The following TBL1XR1 variants were observed in gnomAD, a reference collection of about 807,000 sequenced individuals.
The protein encoded by TBL1XR1 is F-box-like/WD repeat-containing protein TBL1XR1.
Under a neutral mutation model 66.9 loss-of-function variants are expected in TBL1XR1, and 5 were observed. That is an observed-to-expected ratio of 0.07 (90% confidence interval 0.04 to 0.16). The LOEUF (loss-of-function observed/expected upper bound fraction) is 0.16, where lower values mean the gene tolerates loss of function less well. TBL1XR1 is among the 10% of genes least tolerant of loss of function. The pLI is 1.00. For synonymous variants in TBL1XR1, 210 were observed against 206.0 expected (o/e 1.02, Z -0.17); for missense variants, 238 against 623.2 (o/e 0.38, Z 6.58).
chr3:177,090,754 T>A (rs889539773), intron 2 of TBL1XR1, among the ~76,000 whole-genome samples: 2 of 152,120 alleles, frequency 1.3e-5, no homozygotes, highest in African/African-American at 4.8e-5. Flanking sequence ...GAGGTTGCAG[T>A]GAGCCAAGAT....
At chr3:177,058,969 G>C (rs1285087030) in intron 3 of TBL1XR1, among the ~76,000 whole-genome samples, 1 of 152,194 alleles carries the variant, frequency 6.6e-6, no homozygotes. Context: ...ACAACTGCTT[G>C]CTGTTTATTG....
At chr3:177,158,001 TC>T (rs1252556714) in intron 1 of TBL1XR1, among the ~76,000 whole-genome samples, 1 of 151,900 alleles carries the variant, frequency 6.6e-6, no homozygotes, top group African/African-American at 2.4e-5. Flanking sequence ...TTTAGTTGTT[TC>T]CCCCCACCCC....
chr3:177,093,966 A>G (rs902007619), intron 2 of TBL1XR1, among the ~76,000 whole-genome samples: 1 of 152,164 alleles, frequency 6.6e-6, no homozygotes, highest in African/African-American at 2.4e-5. Flanking sequence ...AACAAAGATA[A>G]ATTAAGATGG....
intron 1 of TBL1XR1, among the ~76,000 whole-genome samples, chr3:177,169,868 C>CCA (rs1733253518): frequency 6.6e-6 from 1 of 151,978 alleles, no homozygotes; most frequent in African/African-American, 2.4e-5. Context: ...TCCCTTTATC[C>CCA]CACCCAGTGG....
intron 1 of TBL1XR1, among the ~76,000 whole-genome samples, chr3:177,114,988 A>C (rs574408348): frequency 6.6e-6 from 1 of 150,618 alleles, no homozygotes; most frequent in South Asian, 2.1e-4. Flanking sequence ...CTTTGGGGAA[A>C]AAAATAATAA....
At chr3:177,038,656 G>T (rs978149390) in intron 10 of TBL1XR1, among the ~76,000 whole-genome samples, 1 of 152,278 alleles carries the variant, frequency 6.6e-6, no homozygotes, top group East Asian at 1.9e-4. Context: ...CAGACCCTAA[G>T]AGAAAGTACA....
At chr3:177,119,566 G>A (rs530524618) in intron 1 of TBL1XR1, among the ~76,000 whole-genome samples, 13 of 152,216 alleles carry the variant, frequency 8.5e-5, no homozygotes, top group East Asian at 3.9e-4. Context: ...TAACTGTCCC[G>A]CAACAGAAAT....
At chr3:177,138,004 C>G (rs1008975643) in intron 1 of TBL1XR1, among the ~76,000 whole-genome samples, 6 of 151,998 alleles carry the variant, frequency 3.9e-5, no homozygotes, top group African/African-American at 1.4e-4. Context: ...TGTTGCAAAG[C>G]GAGTAGATGT....
chr3:177,112,075 A>ATATC (rs1491111601), intron 1 of TBL1XR1, among the ~76,000 whole-genome samples: 1 of 30,252 alleles, frequency 3.3e-5, no homozygotes, highest in Non-Finnish European at 6.0e-5. Context: ...ATAAAATCAA[A>ATATC]TATATATATA....
At chr3:177,067,673 T>C (rs1375635068) in intron 2 of TBL1XR1, among the ~76,000 whole-genome samples, 2 of 152,126 alleles carry the variant, frequency 1.3e-5, no homozygotes, top group African/African-American at 2.4e-5. Context: ...TAATTGATCA[T>C]AGTGCTATAT....
chr3:177,166,592 T>G (rs1732852126), intron 1 of TBL1XR1, among the ~76,000 whole-genome samples: 1 of 152,288 alleles, frequency 6.6e-6, no homozygotes, highest in African/African-American at 2.4e-5. Flanking sequence ...TCACACTCTC[T>G]TGCTTGCTGC....
At chr3:177,155,870 G>A (rs1166250520) in intron 1 of TBL1XR1, among the ~76,000 whole-genome samples, 2 of 151,946 alleles carry the variant, frequency 1.3e-5, no homozygotes, top group Admixed American at 6.6e-5. Context: ...TTAGCCAGGC[G>A]TGGTGGCACA....
chr3:177,037,119 C>T (rs1017666287), intron 12 of TBL1XR1, among the ~76,000 whole-genome samples: 4 of 152,134 alleles, frequency 2.6e-5, no homozygotes, highest in Non-Finnish European at 5.9e-5. Flanking sequence ...AGATTCTCTG[C>T]TATGTATCAG....
chr3:177,085,212 C>G (rs545606556), intron 2 of TBL1XR1, among the ~76,000 whole-genome samples: 110 of 152,266 alleles, frequency 7.2e-4, no homozygotes, highest in Admixed American at 1.4e-3. Context: ...GTGGAACATA[C>G]CCAAAGAAGC....
At chr3:177,183,011 T>G (rs982051055) in intron 1 of TBL1XR1, among the ~76,000 whole-genome samples, 5 of 152,138 alleles carry the variant, frequency 3.3e-5, no homozygotes, top group African/African-American at 1.2e-4. Flanking sequence ...TCAAAATTCC[T>G]TATCATTTGT....
At chr3:177,032,821 T>A in intron 14 of TBL1XR1, 150 bp downstream of exon 14, 1 of 549,976 alleles carries the variant, frequency 1.8e-6, no homozygotes, top group Non-Finnish European at 2.9e-6. Flanking sequence ...CATAAAGATA[T>A]AACTTCCATT....
At chr3:177,061,586 C>A (rs1460458834) in intron 3 of TBL1XR1, among the ~76,000 whole-genome samples, 1 of 152,196 alleles carries the variant, frequency 6.6e-6, no homozygotes, top group African/African-American at 2.4e-5. Flanking sequence ...TGTCCCTGCA[C>A]AAATACTTCC....
In TBL1XR1 at chr3:177,106,674, G is replaced by C. The variant is rs185778461; in HGVS notation, c.-121-8133C>G. Among the ~76,000 whole-genome samples the C allele has an allele frequency of 1.5e-4, 23 of 152,266 alleles. No individual in the cohort carries two copies. The East Asian group carries it at 4.4e-3, about 29-fold the overall frequency. ...TAATCAGTGCCTAGCATAGTAATAA[G>C]ACATAATGCATATTAAATAACAGAA... On this transcript the variant is annotated intron_variant, in intron 1 of 15. Transcript: ENST00000457928.
chr3:177,041,670 T>C (rs1447283188), intron 10 of TBL1XR1, among the ~76,000 whole-genome samples: 2 of 152,216 alleles, frequency 1.3e-5, no homozygotes, highest in African/African-American at 4.8e-5. Flanking sequence ...TCCTGTTCAT[T>C]TGGCAGTCAA....
Sources: gnomAD v4.1 joint callset for allele counts (sites outside exome capture counted in the v4.1 genomes callset) on GRCh38, gnomAD v4.1.1 for gene constraint, MANE v1.5 for transcripts, NCBI Gene and HGNC (gene_info 2026-07-23, HGNC 2026-07-21) for gene names.